The following CNIH2 variants were observed in gnomAD, a reference collection of about 807,000 sequenced individuals.
CNIH2 encodes the protein protein cornichon homolog 2.
In CNIH2, 8 loss-of-function variants were observed where a neutral mutation model predicts 22.9. The observed-to-expected ratio is 0.35, with a 90% CI of 0.20 to 0.63. The LOEUF (loss-of-function observed/expected upper bound fraction) is 0.63. Ranked by LOEUF, CNIH2 falls within the 30% of genes least tolerant of loss-of-function variation. The probability of loss-of-function intolerance (pLI) is 0.72; values close to 1 mark genes in which losing one functional copy is unlikely to be tolerated. For synonymous variants in CNIH2, 74 were observed against 78.2 expected (o/e 0.95, Z 0.28); for missense variants, 105 against 206.2 (o/e 0.51, Z 3.01).
Position 66,283,748 on chromosome 11 carries a change from A to G in CNIH2, c.*151A>G. 1 of 746,684 alleles carries G rather than the reference A, an allele frequency of 1.3e-6. No individual in the cohort carries two copies. The highest frequency in any genetic ancestry group is 2.1e-6 in the Non-Finnish European group (1 of 470,198). The allele number at this position is 746,684 out of a possible 1,614,324, so 46.3% of individuals were successfully genotyped here. ...AACCCCCAAACTGCTGCTGCGGGGA[A>G]CCCCCCCCACCCCGCCTTCAGAGCC... On this transcript the variant is annotated 3_prime_UTR_variant, in exon 6 of 6. Coordinates refer to ENST00000311445, the MANE Select transcript of CNIH2 (RefSeq NM_182553.3).
In CNIH2 at chr11:66,282,768, C is replaced by T. The variant is rs1436863926; in HGVS notation, c.186C>T (p.Cys62=). 2 of 1,612,630 alleles carry T rather than the reference C, an allele frequency of 1.2e-6. No individual in the cohort carries two copies. The highest frequency in any genetic ancestry group is 1.7e-6 in the Non-Finnish European group (2 of 1,179,608). ...ERLKNIERIC[C]LLRKLVVPEY... Reference sequence around the variant, plus strand: ...TAAAAAACATCGAACGCATCTGCTGCCTCCTGAGGAAGGTCAGTGTCAGGG... The same window carrying T: ...TAAAAAACATCGAACGCATCTGCTGTCTCCTGAGGAAGGTCAGTGTCAGGG... The change falls in exon 3 of 6, where the codon TGC becomes TGT. Residue 62 remains cysteine (C), a synonymous_variant. Transcript: ENST00000311445.
At chr11:66,281,950 C>T (rs1405233875) in intron 1 of CNIH2, among the ~76,000 whole-genome samples, 1 of 152,096 alleles carries the variant, frequency 6.6e-6, no homozygotes, top group Non-Finnish European at 1.5e-5. Context: ...CATCCCAGGC[C>T]TCTGGAGCCC....
intron 2 of CNIH2, 102 bp downstream of exon 2, chr11:66,282,429 G>GGGTGGGGGGGGGGGC: frequency 2.1e-6 from 1 of 479,466 alleles, no homozygotes; most frequent in Non-Finnish European, 4.2e-6. Context: ...GGGGTGGGGG[G>GGGTGGGGGGGGGGGC]CCTACGGCCA....
At chr11:66,282,836 T>G in intron 3 of CNIH2, 56 bp downstream of exon 3, 1 of 1,571,410 alleles carries the variant, frequency 6.4e-7, no homozygotes, top group Non-Finnish European at 8.7e-7. Flanking sequence ...CCCCACTGTC[T>G]GTGGCCCAGA....
Position 66,283,330 on chromosome 11 carries a change from CAGA to C in CNIH2, c.397_399del (p.Lys133del). 2 of 1,614,178 alleles carry C rather than the reference CAGA, an allele frequency of 1.2e-6. No homozygotes were observed. The highest frequency in any genetic ancestry group is 1.7e-6 in the Non-Finnish European group (2 of 1,180,002). On this transcript the variant is annotated inframe_deletion, in exon 5 of 6. Transcript: ENST00000311445. Reference sequence around the variant, plus strand: ...GAATGCTGACATTCTCAACTACTGCCAGAAGGAGTCCTGGTGCAAACTTGCCTT... The same window carrying C: ...GAATGCTGACATTCTCAACTACTGCCAGGAGTCCTGGTGCAAACTTGCCTT...
Position 66,278,507 on chromosome 11 carries a change from C to T in CNIH2, c.51C>T (p.Cys17=). The T allele has an allele frequency of 1.3e-6, 2 of 1,558,428 alleles. No homozygotes were observed. Among genetic ancestry groups the T allele is most frequent in the Non-Finnish European group, 8.7e-7 (1 of 1,155,204 alleles). The change falls in exon 1 of 6, where the codon TGC becomes TGT. Residue 17 remains cysteine, a synonymous_variant. Transcript: ENST00000311445. ...AFCYMLTLVL[C]ASLIFFVIWH... Reference sequence around the variant, plus strand: ...GCTACATGCTCACCCTGGTGCTGTGCGCCTCCCTCATCTTCTTTGTCATCT... The same window carrying T: ...GCTACATGCTCACCCTGGTGCTGTGTGCCTCCCTCATCTTCTTTGTCATCT...
In CNIH2 at chr11:66,278,924, C is replaced by CA. The variant is rs1282954909; in HGVS notation, c.81+387_81+388insA. On this transcript the variant is annotated intron_variant, in intron 1 of 5. Transcript: ENST00000311445. ...AGTTTGTCTGTCTGCTGCCCCCCCC[C>CA]CCCCGCCTTTGTGGGTTTTTCCAGC... Among the ~76,000 whole-genome samples the CA allele has an allele frequency of 4.7e-5, 5 of 106,938 alleles. 1 individual carries two copies. The highest frequency in any genetic ancestry group is 1.1e-4 in the Non-Finnish European group (5 of 46,350). 70.2% of individuals were successfully genotyped at this position (106,938 alleles called of 152,430 possible). A position where few individuals can be genotyped will look rare whatever the true frequency, so the allele number is the denominator to read the frequency against.
intron 1 of CNIH2, among the ~76,000 whole-genome samples, chr11:66,280,418 G>A (rs573449207): frequency 7.2e-5 from 11 of 152,276 alleles, no homozygotes; most frequent in African/African-American, 1.7e-4. Context: ...TGCCTAGTGC[G>A]GCCTGCTGGG....
chr11:66,282,544 T>C, intron 2 of CNIH2, 189 bp from the exon 3 acceptor site: 1 of 848,034 alleles, frequency 1.2e-6, no homozygotes, highest in Non-Finnish European at 1.9e-6. Flanking sequence ...GCCGTTGCCA[T>C]GGAGACGCGG....
intron 2 of CNIH2, 102 bp downstream of exon 2, chr11:66,282,429 G>GGGGGGGGGGGGGGGGGGGGGCC: frequency 1.7e-5 from 8 of 479,402 alleles, no homozygotes; most frequent in East Asian, 5.8e-5. Flanking sequence ...GGGGTGGGGG[G>GGGGGGGGGGGGGGGGGGGGGCC]CCTACGGCCA....
intron 2 of CNIH2, chr11:66,282,529 T>G: frequency 1.2e-6 from 1 of 851,066 alleles, no homozygotes. Flanking sequence ...GTTGCCAGGC[T>G]CTGGGCCGTT....
intron 1 of CNIH2, 110 bp downstream of exon 1, chr11:66,278,647 C>G (rs1857202082): frequency 1.4e-6 from 1 of 709,066 alleles, no homozygotes; most frequent in Non-Finnish European, 1.9e-6. Context: ...ACTTGCTATC[C>G]CCCAGCCGTC....
chr11:66,282,418 T>TGGGGGGGGGGGGGGGGAAGGGGGGGGGG, intron 2 of CNIH2, 91 bp downstream of exon 2: 1 of 161,814 alleles, frequency 6.2e-6, no homozygotes, highest in South Asian at 6.2e-5. Context: ...AAGACGGGGG[T>TGGGGGGGGGGGGGGGGAAGGGGGGGGGG]GGGGTGGGGG....
At chr11:66,279,130 T>C (rs1176051996) in intron 1 of CNIH2, among the ~76,000 whole-genome samples, 2 of 149,272 alleles carry the variant, frequency 1.3e-5, no homozygotes, top group African/African-American at 4.9e-5. Flanking sequence ...ACCCCTCCTG[T>C]TGGGGGCTTC....
intron 1 of CNIH2, 122 bp from the exon 2 acceptor site, chr11:66,282,137 T>G: frequency 5.8e-6 from 5 of 856,674 alleles, no homozygotes; most frequent in Non-Finnish European, 9.9e-6. Flanking sequence ...GACCTCGGTT[T>G]CTCCACCTTT....
intron 2 of CNIH2, 78 bp downstream of exon 2, chr11:66,282,405 G>A (rs1475810738): frequency 8.0e-5 from 84 of 1,048,228 alleles, no homozygotes; most frequent in Admixed American, 4.1e-4. Context: ...GGTGGGAGAC[G>A]GGAAGACGGG....
In CNIH2 at chr11:66,283,162, T is replaced by C. The variant is rs367948808; in HGVS notation, c.311+15T>C. Reference sequence around the variant, plus strand: ...CACCTCTGGAGGTGAGGGTAGCAGCTGCCTTGGGGAGGCTGAGATGGGGAA... The same window carrying C: ...CACCTCTGGAGGTGAGGGTAGCAGCCGCCTTGGGGAGGCTGAGATGGGGAA... On this transcript the variant is annotated intron_variant, in intron 4 of 5. Transcript: ENST00000311445. 1.1e-5 allele frequency: 17 copies of C among 1,613,406 alleles called. No homozygotes were observed. Among genetic ancestry groups the C allele is most frequent in the Non-Finnish European group, 1.4e-5 (16 of 1,179,634 alleles).
chr11:66,282,389 G>A (rs777978338), intron 2 of CNIH2, 62 bp downstream of exon 2: 1 of 1,494,226 alleles, frequency 6.7e-7, no homozygotes, highest in South Asian at 1.2e-5. Context: ...TCTGTCGTGG[G>A]CTGGGGGTGG....
At chr11:66,281,686 C>T (rs1046155987) in intron 1 of CNIH2, 8 of 354,018 alleles carry the variant, frequency 2.3e-5, no homozygotes, top group Admixed American at 3.8e-5. Flanking sequence ...TGCGCTGTCA[C>T]GCCAGCCCCA....
Sources: allele counts gnomAD v4.1 joint callset (sites outside exome capture counted in the v4.1 genomes callset), GRCh38; gene constraint gnomAD v4.1.1; transcripts MANE v1.5; gene names NCBI Gene and HGNC (gene_info 2026-07-23, HGNC 2026-07-21).